Variants in TAFA4 observed in about 807,000 individuals in gnomAD.
TAFA4 encodes TAFA chemokine like family member 4.
In TAFA4, 20 loss-of-function variants were observed where a neutral mutation model predicts 21.1. That is an observed-to-expected ratio of 0.95 (90% CI 0.67 to 1.38). TAFA4 has a LOEUF of 1.38. Among genes scored for constraint, TAFA4 ranks in the 40% most tolerant of loss-of-function variants. The pLI, the probability that TAFA4 is intolerant of heterozygous loss-of-function variation, is 0.00. For synonymous variants in TAFA4, 71 were observed against 67.4 expected, an observed-to-expected ratio of 1.05 and a Z score of -0.26; for missense variants, 211 against 180.9, an observed-to-expected ratio of 1.17 and a Z score of -0.95.
At chr3:68,790,230 T>C (rs1703336625) in intron 3 of TAFA4, among the ~76,000 whole-genome samples, 1 of 151,700 alleles carries the variant, frequency 6.6e-6, no homozygotes, top group African/African-American at 2.4e-5. Flanking sequence ...ATGCAGACTT[T>C]GAAAGATCAG....
intron 1 of TAFA4, among the ~76,000 whole-genome samples, chr3:68,900,907 C>T: frequency 6.6e-6 from 1 of 152,330 alleles, no homozygotes; most frequent in East Asian, 1.9e-4. Flanking sequence ...CACTAAGGAA[C>T]ATCCCCAGCC....
intron 3 of TAFA4, among the ~76,000 whole-genome samples, chr3:68,819,436 T>C (rs1240256826): frequency 6.6e-6 from 1 of 152,172 alleles, no homozygotes. Flanking sequence ...TTATCTTGTT[T>C]CTAATCTTAG....
chr3:68,921,945 A>G (rs2090064257), intron 1 of TAFA4, among the ~76,000 whole-genome samples: 1 of 152,234 alleles, frequency 6.6e-6, no homozygotes, highest in Non-Finnish European at 1.5e-5. Context: ...CTTATGCTCT[A>G]AAAGAAACGT....
chr3:68,837,671 C>T (rs189104947), intron 3 of TAFA4, among the ~76,000 whole-genome samples: 291 of 152,234 alleles, frequency 1.9e-3, no homozygotes, highest in Non-Finnish European at 3.4e-3. Context: ...TAGGATATCA[C>T]TTTAGAAATA....
intron 3 of TAFA4, among the ~76,000 whole-genome samples, chr3:68,760,122 T>C (rs1702733689): frequency 6.6e-6 from 1 of 152,224 alleles, no homozygotes; most frequent in Non-Finnish European, 1.5e-5. Context: ...GATGCCTGTT[T>C]CCTCATTCAC....
chr3:68,926,772 A>G (rs763912668), intron 1 of TAFA4, among the ~76,000 whole-genome samples: 6 of 152,088 alleles, frequency 3.9e-5, no homozygotes, highest in Non-Finnish European at 7.4e-5. Flanking sequence ...TTAGCCAGGC[A>G]TGGTGACAGG....
At chr3:68,766,255 T>C (rs909488125) in intron 3 of TAFA4, among the ~76,000 whole-genome samples, 3 of 151,708 alleles carry the variant, frequency 2.0e-5, no homozygotes, top group African/African-American at 7.3e-5. Flanking sequence ...AGAGAATGAA[T>C]ACACTCACCT....
At chr3:68,865,016 T>G (rs1445781713) in intron 3 of TAFA4, among the ~76,000 whole-genome samples, 1 of 152,124 alleles carries the variant, frequency 6.6e-6, no homozygotes, top group African/African-American at 2.4e-5. Flanking sequence ...GTGAAGGGTT[T>G]ATTCATTACT....
At chr3:68,787,878 A>T (rs1284988728) in intron 3 of TAFA4, among the ~76,000 whole-genome samples, 1 of 152,172 alleles carries the variant, frequency 6.6e-6, no homozygotes, top group East Asian at 1.9e-4. Context: ...CCCGATTCCA[A>T]CCCACAGGTG....
intron 3 of TAFA4, among the ~76,000 whole-genome samples, chr3:68,804,154 C>T (rs1384432060): frequency 6.6e-6 from 1 of 152,064 alleles, no homozygotes; most frequent in Non-Finnish European, 1.5e-5. Flanking sequence ...CTCCACGAAA[C>T]ATCATGAATT....
At chr3:68,874,735 T>C (rs903136287) in intron 3 of TAFA4, among the ~76,000 whole-genome samples, 2 of 151,986 alleles carry the variant, frequency 1.3e-5, no homozygotes, top group Non-Finnish European at 2.9e-5. Context: ...ACAAGCTCAT[T>C]TGAGGAACTG....
chr3:68,862,812 G>T (rs566696804), intron 3 of TAFA4, among the ~76,000 whole-genome samples: 1 of 151,344 alleles, frequency 6.6e-6, no homozygotes, highest in African/African-American at 2.4e-5. Flanking sequence ...TAAGCAATTT[G>T]TTACATCATG....
intron 2 of TAFA4, among the ~76,000 whole-genome samples, chr3:68,881,204 A>T (rs1047997684): frequency 6.6e-6 from 1 of 152,140 alleles, no homozygotes; most frequent in African/African-American, 2.4e-5. Flanking sequence ...TAAAATATAT[A>T]TGTTTTCTGG....
chr3:68,880,935 G>C (rs757662123), intron 2 of TAFA4, 90 bp from the exon 3 acceptor site: 1 of 928,214 alleles, frequency 1.1e-6, no homozygotes, highest in Non-Finnish European at 1.7e-6. Context: ...GAGAAAGCAG[G>C]GGCAGATCCC....
intron 1 of TAFA4, among the ~76,000 whole-genome samples, chr3:68,929,186 T>C (rs189960610): frequency 6.6e-6 from 1 of 152,298 alleles, no homozygotes; most frequent in Admixed American, 6.5e-5. Context: ...TACTACAGCT[T>C]AAGTCTCTAA....
At chr3:68,734,683 T>C (rs1362946241) in intron 5 of TAFA4, among the ~76,000 whole-genome samples, 1 of 152,046 alleles carries the variant, frequency 6.6e-6, no homozygotes, top group Non-Finnish European at 1.5e-5. Context: ...GGGGTAGAGA[T>C]TGTCTCCCTT....
chr3:68,900,538 GCACTCTCTACT>G (rs907975452), intron 1 of TAFA4, among the ~76,000 whole-genome samples: 1 of 151,950 alleles, frequency 6.6e-6, no homozygotes, highest in African/African-American at 2.4e-5. Flanking sequence ...CCTCAGAGAA[GCACTCTCTACT>G]CACTAGCTAA....
intron 5 of TAFA4, among the ~76,000 whole-genome samples, chr3:68,734,565 A>AAGAGTTGT (rs1702206178): frequency 1.3e-5 from 2 of 152,142 alleles, no homozygotes; most frequent in Non-Finnish European, 2.9e-5. Context: ...TGTCAACTTA[A>AAGAGTTGT]AGAGTTGTGA....
chr3:68,786,287 T>A (rs746584067), intron 3 of TAFA4, among the ~76,000 whole-genome samples: 23 of 152,174 alleles, frequency 1.5e-4, no homozygotes, highest in Non-Finnish European at 3.1e-4. Flanking sequence ...AGAAAATTAC[T>A]GGAGGAAACA....
Sources: allele counts gnomAD v4.1 joint callset (sites outside exome capture counted in the v4.1 genomes callset), GRCh38; gene constraint gnomAD v4.1.1; transcripts MANE v1.5; gene names NCBI Gene and HGNC (gene_info 2026-07-23, HGNC 2026-07-21).